The following ASXL2 variants were observed in gnomAD, a reference collection of about 807,000 sequenced individuals.
ASXL2 encodes putative Polycomb group protein ASXL2.
In ASXL2, 23 loss-of-function variants were observed where a neutral mutation model predicts 122.0. The ratio of observed to expected loss-of-function variants is 0.19; its 90% CI spans 0.14 to 0.27. The LOEUF (loss-of-function observed/expected upper bound fraction) is 0.27, where lower values mean the gene tolerates loss of function less well. Ranked by LOEUF, ASXL2 falls within the 10% of genes least tolerant of loss-of-function variation. ASXL2 has a pLI of 1.00. For synonymous variants in ASXL2, 650 were observed against 637.0 expected, an observed-to-expected ratio of 1.02 and a Z score of -0.31; for missense variants, 1,518 against 1,713.8, an observed-to-expected ratio of 0.89 and a Z score of 2.02.
intron 9 of ASXL2, among the ~76,000 whole-genome samples, chr2:25,758,604 C>G (rs2088180946): frequency 6.6e-6 from 1 of 151,760 alleles, no homozygotes; most frequent in South Asian, 2.1e-4. Flanking sequence ...TATTCCTGAC[C>G]AAGGTAAATC....
chr2:25,781,556 C>CTTTTTT, intron 5 of ASXL2, among the ~76,000 whole-genome samples: 1 of 128,732 alleles, frequency 7.8e-6, no homozygotes, highest in Non-Finnish European at 1.7e-5. Flanking sequence ...ATCTCAAATT[C>CTTTTTT]TTTTTTTTTT....
At chr2:25,842,792 GTATATATA>G (rs753934368) in intron 2 of ASXL2, among the ~76,000 whole-genome samples, 5 of 95,390 alleles carry the variant, frequency 5.2e-5, no homozygotes, top group African/African-American at 9.5e-5. Context: ...GTGTGTGTGT[GTATATATA>G]TATATATATA....
intron 1 of ASXL2, among the ~76,000 whole-genome samples, chr2:25,853,733 T>C (rs2089745227): frequency 6.6e-6 from 1 of 151,884 alleles, no homozygotes; most frequent in Admixed American, 6.6e-5. Context: ...AGCCTCGAAC[T>C]CCTGGGCTCA....
In ASXL2 at chr2:25,749,918, T is replaced by C. The variant is rs1240774760; in HGVS notation, c.1638A>G (p.Pro546=). 3 of 1,613,738 alleles carry C rather than the reference T, an allele frequency of 1.9e-6. No homozygotes were observed. The highest frequency in any genetic ancestry group is 1.7e-5 in the Admixed American group (1 of 59,970). ...GAGGTTCTTTCATATTAGTCTCCTGTGGACCCGCTCCTGCTGTGGGCTTCA... is the reference window on the plus strand; with the variant it reads ...GAGGTTCTTTCATATTAGTCTCCTGCGGACCCGCTCCTGCTGTGGGCTTCA... ...PIVKPTAGAG[P]QETNMKEPLA... The change falls in exon 12 of 13, where the codon CCA becomes CCG. Residue 546 remains proline (P), a synonymous_variant. Transcript: ENST00000435504.
intron 1 of ASXL2, among the ~76,000 whole-genome samples, chr2:25,873,198 T>C (rs2089977252): frequency 6.6e-6 from 1 of 151,814 alleles, no homozygotes; most frequent in Non-Finnish European, 1.5e-5. Context: ...CCCATGCCAA[T>C]GCTTTCTCAC....
intron 5 of ASXL2, among the ~76,000 whole-genome samples, chr2:25,781,868 C>T (rs1034400839): frequency 6.6e-6 from 1 of 150,380 alleles, no homozygotes; most frequent in Non-Finnish European, 1.5e-5. Flanking sequence ...TTTGCCATAT[C>T]GGCCAGGCTG....
At chr2:25,857,091 G>A (rs933834040) in intron 1 of ASXL2, 2 of 19,980 alleles carry the variant, frequency 1.0e-4, no homozygotes, top group Middle Eastern at 0.019. Flanking sequence ...TGGGGGGGGC[G>A]GGGGGGGGGA....
At position 25,799,559 on chromosome 2, in the gene ASXL2, G is replaced by A. The variant is rs117171509; in HGVS notation, c.253-24C>T. 124 of 1,590,808 alleles carry A rather than the reference G, an allele frequency of 7.8e-5. No individual in the cohort carries two copies. The East Asian group carries it at 1.9e-3, about 24-fold the overall frequency. ...TTCTGAAAATGTAGGCATCCAATTA[G>A]GATTAATCATTACCATTTAAGCAAA... is the stretch of plus-strand genomic sequence containing the variant. On this transcript the variant is annotated intron_variant, in intron 4 of 12. Transcript: ENST00000435504.
At chr2:25,873,494 T>A (rs1373278690) in intron 1 of ASXL2, among the ~76,000 whole-genome samples, 1 of 152,140 alleles carries the variant, frequency 6.6e-6, no homozygotes, top group Non-Finnish European at 1.5e-5. Context: ...ATCTTCCACC[T>A]TATTTTCTAA....
intron 10 of ASXL2, among the ~76,000 whole-genome samples, chr2:25,754,941 G>T (rs889843493): frequency 6.6e-6 from 1 of 152,080 alleles, no homozygotes; most frequent in Non-Finnish European, 1.5e-5. Context: ...GAAGAGGATG[G>T]GAAAAGTCAA....
chr2:25,771,401 G>C, intron 6 of ASXL2, 39 bp downstream of exon 6: 1 of 1,560,036 alleles, frequency 6.4e-7, no homozygotes, highest in Non-Finnish European at 8.7e-7. Flanking sequence ...TTTAAATACA[G>C]GAAATTCTAC....
At position 25,742,454 on chromosome 2, in the gene ASXL2, G is replaced by A; in HGVS notation, c.3883C>T (p.Pro1295Ser). Residue 1295 changes from proline (P) to serine (S), a missense_variant, in exon 13 of 13, where the codon CCT (proline) becomes TCT (serine). Physicochemically the swap from Pro to Ser is moderately conservative, Grantham distance 74 (BLOSUM62 -1). This residue lies in a region of ASXL2 where 831 missense variants were observed against 833.1 expected (regional missense o/e 1.00). Coordinates refer to ENST00000435504, the MANE Select transcript of ASXL2 (RefSeq NM_018263.6). The part of the protein sequence containing the change: ...SPELFSSTVL[P>S]LPADSPTHQP... ...TGGGTGGGGCTGTCTGCAGGCAGAG[G>A]AAGAACAGTAGAACTGAAAAGCTCG... 6.2e-7 allele frequency: 1 copy of A among 1,612,464 alleles called. No homozygotes were observed. The highest frequency in any genetic ancestry group is 1.6e-4 in the Middle Eastern group (1 of 6,062).
chr2:25,806,101 T>C (rs140404226), intron 4 of ASXL2, 128 bp downstream of exon 4: 215 of 588,298 alleles, frequency 3.7e-4, no homozygotes, highest in African/African-American at 3.6e-3. Flanking sequence ...TGGGTAGAGG[T>C]TTCAAAATAT....
chr2:25,784,993 A>G (rs921405606), intron 5 of ASXL2, among the ~76,000 whole-genome samples: 2 of 152,226 alleles, frequency 1.3e-5, no homozygotes, highest in African/African-American at 4.8e-5. Flanking sequence ...CATTGAATAT[A>G]AGCTATTATA....
intron 9 of ASXL2, among the ~76,000 whole-genome samples, chr2:25,757,624 G>A (rs1456331207): frequency 6.3e-5 from 8 of 126,944 alleles, no homozygotes; most frequent in Admixed American, 4.8e-4. Context: ...GCAGTGAGCC[G>A]AGATCGAGCC....
At position 25,741,306 on chromosome 2, in the gene ASXL2, G is replaced by A; in HGVS notation, c.*723C>T. ...CATTCACTGTCTCAGGGCAGGGGGT[G>A]GGATTAGGGAACAGCAGGGATCCAC... On this transcript the variant is annotated 3_prime_UTR_variant, in exon 13 of 13. Coordinates refer to ENST00000435504, the MANE Select transcript of ASXL2 (RefSeq NM_018263.6). The A allele has an allele frequency of 4.5e-6, 1 of 223,104 alleles. No homozygotes were observed. The highest frequency in any genetic ancestry group is 9.0e-6 in the Non-Finnish European group (1 of 111,690). The allele number at this position is 223,104 out of a possible 1,614,324, so 13.8% of individuals were successfully genotyped here.
intron 2 of ASXL2, among the ~76,000 whole-genome samples, chr2:25,842,878 C>G (rs1003035139): frequency 6.0e-5 from 9 of 151,032 alleles, no homozygotes; most frequent in Non-Finnish European, 1.2e-4. Context: ...CTGGAGTGCA[C>G]TGGTGCAATC....
chr2:25,765,355 G>A (rs1334634808), intron 8 of ASXL2, among the ~76,000 whole-genome samples: 1 of 151,958 alleles, frequency 6.6e-6, no homozygotes, highest in Non-Finnish European at 1.5e-5. Flanking sequence ...GCGTGGTGGC[G>A]GGCACCTGTC....
chr2:25,774,845 C>G (rs774932517), intron 5 of ASXL2, among the ~76,000 whole-genome samples: 1 of 152,214 alleles, frequency 6.6e-6, no homozygotes, highest in East Asian at 1.9e-4. Context: ...CTTGCCAACA[C>G]TTGGTATTCT....
Sources: allele counts gnomAD v4.1 joint callset (sites outside exome capture counted in the v4.1 genomes callset), GRCh38; gene constraint gnomAD v4.1.1; regional missense constraint gnomAD v4.1.1; transcripts MANE v1.5; gene names NCBI Gene and HGNC (gene_info 2026-07-23, HGNC 2026-07-21).